Variants in LINGO2 observed in about 807,000 individuals in gnomAD.
The protein encoded by LINGO2 is leucine-rich repeat and immunoglobulin-like domain-containing nogo receptor-interacting protein 2.
Under a neutral mutation model 30.6 loss-of-function variants are expected in LINGO2, and 14 were observed. The ratio of observed to expected loss-of-function variants is 0.46; its 90% CI spans 0.30 to 0.72. LINGO2 has a LOEUF of 0.72. LINGO2 is among the 30% of genes least tolerant of loss of function. The pLI is 0.07. For synonymous variants in LINGO2, 317 were observed against 288.5 expected, an observed-to-expected ratio of 1.10 and a Z score of -1.00; for missense variants, 729 against 751.7, an observed-to-expected ratio of 0.97 and a Z score of 0.35.
the LINGO2 span, among the ~76,000 whole-genome samples, chr9:28,760,691 T>C: frequency 6.6e-6 from 1 of 151,702 alleles, no homozygotes; most frequent in Non-Finnish European, 1.5e-5. Context: ...GTCCATTGTA[T>C]CATTCTTATG....
chr9:28,785,964 G>A, the LINGO2 span, among the ~76,000 whole-genome samples: 8 of 152,248 alleles, frequency 5.3e-5, no homozygotes, highest in Middle Eastern at 0.02. Flanking sequence ...ACGACCTTCT[G>A]TAACAAATCC....
At chr9:28,893,485 C>T in the LINGO2 span, among the ~76,000 whole-genome samples, 1 of 151,884 alleles carries the variant, frequency 6.6e-6, no homozygotes, top group Non-Finnish European at 1.5e-5. Context: ...ATTGCTAAAA[C>T]CCAACAAATT....
At chr9:29,147,430 A>G in the LINGO2 span, among the ~76,000 whole-genome samples, 59 of 152,246 alleles carry the variant, frequency 3.9e-4, no homozygotes, top group African/African-American at 1.3e-3. Context: ...ACACAAATTT[A>G]GGAAAAGCAT....
At chr9:28,056,697 A>C (rs1415814708) in intron 4 of LINGO2, among the ~76,000 whole-genome samples, 2 of 152,180 alleles carry the variant, frequency 1.3e-5, no homozygotes, top group Non-Finnish European at 2.9e-5. Context: ...AGATGTATGG[A>C]GCAGAAGAGA....
chr9:29,164,119 A>AG, the LINGO2 span, among the ~76,000 whole-genome samples: 11 of 151,176 alleles, frequency 7.3e-5, no homozygotes, highest in African/African-American at 2.2e-4. Context: ...AAAAAAAAAA[A>AG]GGGGGCCTCT....
At chr9:27,960,902 C>G (rs1819811829) in intron 5 of LINGO2, among the ~76,000 whole-genome samples, 3 of 152,076 alleles carry the variant, frequency 2.0e-5, no homozygotes, top group African/African-American at 4.8e-5. Context: ...CCTCCTGTGA[C>G]TTTTAAACTA....
At chr9:28,106,267 T>TG (rs1826589801) in intron 4 of LINGO2, among the ~76,000 whole-genome samples, 1 of 152,138 alleles carries the variant, frequency 6.6e-6, no homozygotes, top group Admixed American at 6.5e-5. Flanking sequence ...CATTTTGTTA[T>TG]GGCAGCATGA....
chr9:28,319,697 G>T (rs1824970114), intron 3 of LINGO2, among the ~76,000 whole-genome samples: 1 of 152,140 alleles, frequency 6.6e-6, no homozygotes, highest in Non-Finnish European at 1.5e-5. Context: ...GTTGTTTCCA[G>T]GAAATGAGAA....
chr9:28,082,431 T>C (rs1231541959), intron 4 of LINGO2, among the ~76,000 whole-genome samples: 1 of 152,098 alleles, frequency 6.6e-6, no homozygotes, highest in Non-Finnish European at 1.5e-5. Flanking sequence ...TTTAATGCTA[T>C]CTGAGCACAG....
chr9:28,698,467 G>T, the LINGO2 span, among the ~76,000 whole-genome samples: 4 of 151,920 alleles, frequency 2.6e-5, no homozygotes, highest in Non-Finnish European at 5.9e-5. Flanking sequence ...CTGATTTCAG[G>T]TCCCTTGGAG....
rs1310626266 is a variant in LINGO2 at position 28,130,132 on chromosome 9, G to A, written c.-86-117727C>T. Among the ~76,000 whole-genome samples, 4 of 152,156 alleles carry A rather than the reference G, an allele frequency of 2.6e-5. No individual in the cohort carries two copies. Among genetic ancestry groups the A allele is most frequent in the African/African-American group, 4.8e-5 (2 of 41,424 alleles). ...CAATTCTGACATTGATTCCCATGTG[G>A]AACAGAGGACTTTTCTAGATTTAGA... On this transcript the variant is annotated intron_variant, in intron 4 of 5. Coordinates refer to ENST00000379992, the Ensembl canonical transcript of LINGO2. This position sits in a 1 kb window ranked among gnomAD's most constrained non-coding sequence, Gnocchi z 5.2.
the LINGO2 span, among the ~76,000 whole-genome samples, chr9:29,122,665 C>T: frequency 6.6e-6 from 1 of 152,024 alleles, no homozygotes; most frequent in Non-Finnish European, 1.5e-5. Flanking sequence ...TTTTCTTATT[C>T]ACCTGGAGAA....
At chr9:29,007,571 AC>A in the LINGO2 span, among the ~76,000 whole-genome samples, 7 of 151,980 alleles carry the variant, frequency 4.6e-5, no homozygotes, top group African/African-American at 1.7e-4. Flanking sequence ...TTTTTCTGGA[AC>A]CCTGGTGGCT....
chr9:28,987,622 G>A, the LINGO2 span, among the ~76,000 whole-genome samples: 16 of 151,902 alleles, frequency 1.1e-4, no homozygotes, highest in African/African-American at 3.9e-4. Flanking sequence ...TCCTTGAGGA[G>A]CAACATTAAG....
chr9:28,331,571 T>A (rs1460280022), intron 3 of LINGO2, among the ~76,000 whole-genome samples: 1 of 152,194 alleles, frequency 6.6e-6, no homozygotes, highest in African/African-American at 2.4e-5. Flanking sequence ...AATGGCCTGA[T>A]CATGGGTCAG....
intron 3 of LINGO2, among the ~76,000 whole-genome samples, chr9:28,339,263 AACAGT>A (rs1272234890): frequency 6.6e-6 from 1 of 152,198 alleles, no homozygotes; most frequent in Non-Finnish European, 1.5e-5. Flanking sequence ...TACTAATAAT[AACAGT>A]AAACATTTAT....
In LINGO2 at chr9:27,990,695, C is replaced by T. The variant is rs115139197; in HGVS notation, c.-36+21660G>A. Among the ~76,000 whole-genome samples, 602 of 152,022 alleles carry T rather than the reference C, an allele frequency of 4.0e-3. 5 individuals carry two copies. The highest frequency in any genetic ancestry group is 0.014 in the African/African-American group (574 of 41,478). On this transcript the variant is annotated intron_variant, in intron 5 of 5. Transcript: ENST00000379992. ...CGCATTCAGTGGTTGAGTGCATTGA[C>T]CAATGTAAGTGGAAGAGTCAGAATG...
At chr9:28,239,270 C>T (rs1019004989) in intron 4 of LINGO2, among the ~76,000 whole-genome samples, 2 of 152,004 alleles carry the variant, frequency 1.3e-5, no homozygotes, top group African/African-American at 4.8e-5. Context: ...AGAGAAGATA[C>T]TTCCAAACTC....
the LINGO2 span, among the ~76,000 whole-genome samples, chr9:29,033,860 C>T: frequency 6.6e-6 from 1 of 152,114 alleles, no homozygotes; most frequent in Admixed American, 6.5e-5. Context: ...GCAAGTGGAT[C>T]AGTTGAGCTC....
Sources: allele counts gnomAD v4.1 joint callset (sites outside exome capture counted in the v4.1 genomes callset), GRCh38; gene constraint gnomAD v4.1.1; non-coding constraint Gnocchi (gnomAD v3.1); transcripts MANE v1.5; gene names NCBI Gene and HGNC (gene_info 2026-07-23, HGNC 2026-07-21).